The following TP63 variants were observed in gnomAD, a reference collection of about 807,000 sequenced individuals.
The protein encoded by TP63 is tumor protein 63.
In TP63, 17 loss-of-function variants were observed where a neutral mutation model predicts 82.8. That is an observed-to-expected ratio of 0.21 (90% confidence interval 0.14 to 0.31). TP63 has a LOEUF of 0.31. Among genes scored for constraint, TP63 ranks in the 10% least tolerant of loss-of-function variants. The probability of loss-of-function intolerance (pLI) is 1.00; values close to 1 mark genes in which losing one functional copy is unlikely to be tolerated. For synonymous variants in TP63, 330 were observed against 321.7 expected (o/e 1.03, Z -0.28); for missense variants, 648 against 895.3 (o/e 0.72, Z 3.52).
rs2108637099 is a variant in TP63, at chr3:189,808,292, G to A, written c.345G>A (p.Gly115=). The change falls in exon 4 of 14, where the codon GGG becomes GGA. Residue 115 remains glycine (G), a synonymous_variant. Transcript: ENST00000264731. ...DPMWPQYTNL[G]LLNSMDQQIQ... is the part of the protein sequence containing the mutation. ...TGCAGCCACAGTACACGAACCTGGG[G>A]CTCCTGAACAGCATGGACCAGCAGA... 1 of 1,614,178 alleles carries A rather than the reference G, an allele frequency of 6.2e-7. No individual in the cohort carries two copies. The highest frequency in any genetic ancestry group is 8.5e-7 in the Non-Finnish European group (1 of 1,180,022).
At chr3:189,632,831 A>G (rs1309721579) in intron 1 of TP63, among the ~76,000 whole-genome samples, 1 of 152,148 alleles carries the variant, frequency 6.6e-6, no homozygotes, top group Non-Finnish European at 1.5e-5. Context: ...TTGATTAAAA[A>G]GAAAAACACC....
Position 189,864,261 on chromosome 3 carries a change from C to T in TP63, c.609C>T (p.Cys203=). 1.2e-6 allele frequency: 2 copies of T among 1,614,196 alleles called. No individual in the cohort carries two copies. The highest frequency in any genetic ancestry group is 1.7e-6 in the Non-Finnish European group (2 of 1,180,018). ...TYSTELKKLY[C]QIAKTCPIQI... is the part of the protein sequence containing the mutation. ...CCACTGAACTGAAGAAACTCTACTG[C>T]CAAATTGCAAAGACATGCCCCATCC... Residue 203 remains cysteine, a synonymous_variant, in exon 5 of 14, where the codon TGC becomes TGT. Transcript: ENST00000264731.
At chr3:189,802,120 A>G (rs1726372464) in intron 3 of TP63, among the ~76,000 whole-genome samples, 1 of 152,264 alleles carries the variant, frequency 6.6e-6, no homozygotes, top group African/African-American at 2.4e-5. Context: ...AGACGAAAAA[A>G]TGACAAGTAT....
intron 4 of TP63, among the ~76,000 whole-genome samples, chr3:189,837,979 T>G (rs937392584): frequency 4.6e-5 from 7 of 152,232 alleles, no homozygotes; most frequent in African/African-American, 1.7e-4. Context: ...AAATTTTAAT[T>G]AGGCTGGAGA....
chr3:189,839,248 A>G (rs114416187), intron 4 of TP63, among the ~76,000 whole-genome samples: 6 of 152,298 alleles, frequency 3.9e-5, no homozygotes, highest in Non-Finnish European at 7.4e-5. Context: ...CTCAACAATT[A>G]TTGTCGGCAC....
At position 189,895,155 on chromosome 3, in the gene TP63, CT is replaced by C; in HGVS notation, c.*657del. 4.5e-6 allele frequency: 1 copy of C among 220,888 alleles called. No individual in the cohort carries two copies. The highest frequency in any genetic ancestry group is 6.6e-5 in the East Asian group (1 of 15,042). 13.7% of individuals were successfully genotyped at this position (220,888 alleles called of 1,614,324 possible). A position where few individuals can be genotyped will look rare whatever the true frequency, so the allele number is the denominator to read the frequency against. On this transcript the variant is annotated 3_prime_UTR_variant, in exon 14 of 14. Coordinates refer to ENST00000264731, the MANE Select transcript of TP63 (RefSeq NM_003722.5). ...GTAGGTAAGACTGTAGATATGTATT[CT>C]TTTCTCAGTGTTGGTATATTTTATA... is the stretch of plus-strand genomic sequence containing the variant.
At chr3:189,832,447 G>C (rs1384479624) in intron 4 of TP63, among the ~76,000 whole-genome samples, 1 of 152,134 alleles carries the variant, frequency 6.6e-6, no homozygotes, top group East Asian at 1.9e-4. Context: ...GCTGCAGGAG[G>C]AGACAGCTCG....
intron 1 of TP63, among the ~76,000 whole-genome samples, chr3:189,637,653 T>G (rs1577154281): frequency 1.3e-5 from 2 of 152,270 alleles, no homozygotes; most frequent in South Asian, 4.1e-4. Flanking sequence ...GTGTATAAAA[T>G]TTTACAGTTG....
At chr3:189,703,063 CT>C (rs1487514162) in intron 1 of TP63, among the ~76,000 whole-genome samples, 1 of 152,146 alleles carries the variant, frequency 6.6e-6, no homozygotes, top group African/African-American at 2.4e-5. Flanking sequence ...GTTTAAGGAA[CT>C]TGCTCCCAGC....
chr3:189,605,427 C>A, the TP63 span, among the ~76,000 whole-genome samples: 1 of 152,172 alleles, frequency 6.6e-6, no homozygotes, highest in Non-Finnish European at 1.5e-5. Flanking sequence ...ACCATGGTGT[C>A]TTTTGGCTGA....
chr3:189,882,807 A>G (rs959892731), intron 10 of TP63, among the ~76,000 whole-genome samples: 25 of 152,160 alleles, frequency 1.6e-4, no homozygotes, highest in Admixed American at 5.9e-4. Flanking sequence ...TCGCTTTTCA[A>G]TTTTGAATTT....
intron 3 of TP63, among the ~76,000 whole-genome samples, chr3:189,807,323 C>A (rs948311390): frequency 2.0e-5 from 3 of 152,222 alleles, no homozygotes; most frequent in African/African-American, 7.2e-5. Context: ...GATGCTAGGG[C>A]AAATGCTCTA....
In TP63 at chr3:189,773,496, AAG is replaced by A. The variant is rs541040966; in HGVS notation, c.324+34727_324+34728del. On this transcript the variant is annotated intron_variant, in intron 3 of 13. Coordinates refer to ENST00000264731, the MANE Select transcript of TP63 (RefSeq NM_003722.5). ...TGTACACATCTTGTTAATTCACACA[AAG>A]AGAGTAAGTTGCCAAGCCAAAATTG... Among the ~76,000 whole-genome samples, 12 of 152,312 alleles carry A rather than the reference AAG, an allele frequency of 7.9e-5. No individual in the cohort carries two copies. The South Asian group carries it at 2.5e-3, about 32-fold the overall frequency.
rs60284810 is a variant in TP63 at position 189,887,430 on chromosome 3, A to G, written c.1507+879A>G. ...TCAGTAAGGAACTGATCTACGAAGG[A>G]ACCTGCCTTTTATTTCTTCTCACAC... On this transcript the variant is annotated intron_variant, in intron 11 of 13. Coordinates refer to ENST00000264731, the MANE Select transcript of TP63 (RefSeq NM_003722.5). Among the ~76,000 whole-genome samples, 560 of 152,282 alleles carry G rather than the reference A, an allele frequency of 3.7e-3. 2 individuals carry two copies. Among genetic ancestry groups the G allele is most frequent in the African/African-American group, 0.013 (541 of 41,554 alleles).
intron 10 of TP63, among the ~76,000 whole-genome samples, chr3:189,882,310 A>T (rs1720002202): frequency 6.6e-6 from 1 of 152,224 alleles, no homozygotes; most frequent in Non-Finnish European, 1.5e-5. Context: ...AATGATGGAA[A>T]ATATTAGAAA....
At chr3:189,893,110 A>G (rs1560309843) in intron 13 of TP63, among the ~76,000 whole-genome samples, 1 of 152,180 alleles carries the variant, frequency 6.6e-6, no homozygotes, top group Non-Finnish European at 1.5e-5. Flanking sequence ...GGGGAACTTC[A>G]TTAGTATCCC....
At chr3:189,891,020 A>G (rs1022513387) in intron 13 of TP63, 138 bp downstream of exon 13, 6 of 758,184 alleles carry the variant, frequency 7.9e-6, no homozygotes, top group East Asian at 2.7e-5. Flanking sequence ...GATAGAACCC[A>G]TAACTATGTT....
At chr3:189,889,239 G>A in intron 11 of TP63, 101 bp from the exon 12 acceptor site, 1 of 1,551,254 alleles carries the variant, frequency 6.4e-7, no homozygotes, top group South Asian at 1.1e-5. Context: ...AAGGCTGGTA[G>A]TTTAGGCCCT....
At chr3:189,680,958 T>C (rs1396793775) in intron 1 of TP63, among the ~76,000 whole-genome samples, 3 of 152,170 alleles carry the variant, frequency 2.0e-5, no homozygotes, top group African/African-American at 7.2e-5. Flanking sequence ...GGTACACTGG[T>C]GAAGGCCTGG....
Sources: allele counts gnomAD v4.1 joint callset (sites outside exome capture counted in the v4.1 genomes callset), GRCh38; gene constraint gnomAD v4.1.1; transcripts MANE v1.5; gene names NCBI Gene and HGNC (gene_info 2026-07-23, HGNC 2026-07-21).